PINX1: variants seen among roughly 807,000 people sequenced by gnomAD.
PINX1 encodes PIN2 (TERF1) interacting telomerase inhibitor 1.
A neutral mutation model predicts 25.4 loss-of-function variants in PINX1; 34 were observed. That is an observed-to-expected ratio of 1.34 (90% confidence interval 1.02 to 1.78). The LOEUF (loss-of-function observed/expected upper bound fraction) is 1.78. PINX1 is among the 40% of genes most tolerant of loss of function. PINX1 has a pLI of 0.00. For missense variants in PINX1, 592 were observed against 404.9 expected (o/e 1.46, Z -3.97); for synonymous variants, 197 against 147.7 (o/e 1.33, Z -2.42).
chr8:10,818,831 C>T (rs77192658), intron 6 of PINX1, among the ~76,000 whole-genome samples: 2 of 152,068 alleles, frequency 1.3e-5, no homozygotes, highest in East Asian at 1.9e-4. Flanking sequence ...CCTGAGGACA[C>T]GGAGACGACT....
chr8:10,765,053 GA>G lies in PINX1; in HGVS notation c.*347del, dbSNP rs1045407065. On this transcript the variant is annotated 3_prime_UTR_variant, in exon 7 of 7. Coordinates refer to ENST00000314787, the MANE Select transcript of PINX1 (RefSeq NM_017884.6). The stretch of plus-strand genomic sequence containing the variant: ...GGAACCGAGAGCAAACGGAGATAGT[GA>G]CACACACACACACACACAGATGCGC... 7 of 201,972 alleles carry G rather than the reference GA, an allele frequency of 3.5e-5. No individual in the cohort carries two copies. The highest frequency in any genetic ancestry group is 1.6e-4 in the African/African-American group (7 of 42,840). 12.5% of individuals were successfully genotyped at this position (201,972 alleles called of 1,614,324 possible). A position where few individuals can be genotyped will look rare whatever the true frequency, so the allele number is the denominator to read the frequency against.
chr8:10,834,638 G>A (rs371106831), intron 2 of PINX1, 28 bp downstream of exon 2: 28 of 1,609,564 alleles, frequency 1.7e-5, no homozygotes, highest in African/African-American at 1.3e-4. Flanking sequence ...TCATAGCTCA[G>A]ATTTTTTTCC....
chr8:10,802,410 C>G (rs1388502312), intron 6 of PINX1, among the ~76,000 whole-genome samples: 1 of 152,226 alleles, frequency 6.6e-6, no homozygotes, highest in Admixed American at 6.5e-5. Context: ...AGACAACCTG[C>G]ACTCTGGAGA....
intron 4 of PINX1, among the ~76,000 whole-genome samples, chr8:10,827,323 T>C (rs76332696): frequency 0.023 from 3,489 of 152,182 alleles, 156 homozygotes; most frequent in African/African-American, 0.079. Context: ...GAAGGACAAC[T>C]GGAAGGGCAA....
chr8:10,810,978 A>C (rs193085305), intron 6 of PINX1, among the ~76,000 whole-genome samples: 89 of 152,358 alleles, frequency 5.8e-4, no homozygotes, highest in Non-Finnish European at 9.4e-4. Context: ...TCTCAGTTCC[A>C]AAGGATGTTT....
intron 6 of PINX1, among the ~76,000 whole-genome samples, chr8:10,809,099 T>A (rs1260901788): frequency 6.6e-6 from 1 of 152,242 alleles, no homozygotes; most frequent in Non-Finnish European, 1.5e-5. Flanking sequence ...GTATGATGGT[T>A]TATTTCAGCT....
At chr8:10,809,887 A>C (rs1254065837) in intron 6 of PINX1, among the ~76,000 whole-genome samples, 1 of 152,230 alleles carries the variant, frequency 6.6e-6, no homozygotes, top group African/African-American at 2.4e-5. Flanking sequence ...GGTAATTTAT[A>C]AAGTAAAGAG....
At chr8:10,795,319 A>C (rs1250779704) in intron 6 of PINX1, among the ~76,000 whole-genome samples, 2 of 152,168 alleles carry the variant, frequency 1.3e-5, no homozygotes, top group East Asian at 3.8e-4. Flanking sequence ...TAGCTGCTCT[A>C]ATCAATGAAG....
intron 4 of PINX1, among the ~76,000 whole-genome samples, chr8:10,827,680 G>A (rs1288088081): frequency 4.0e-5 from 6 of 151,538 alleles, no homozygotes; most frequent in Non-Finnish European, 8.8e-5. Context: ...GCCGCAGCAG[G>A]CAGATCATGA....
rs115959305 is a variant in PINX1, at chr8:10,829,412, T to A, written c.301+2253A>T. Among the ~76,000 whole-genome samples, 1,029 of 152,148 alleles carry A rather than the reference T, an allele frequency of 6.8e-3. 11 individuals are homozygous for A. Among genetic ancestry groups the A allele is most frequent in the African/African-American group, 0.022 (909 of 41,498 alleles). On this transcript the variant is annotated intron_variant, in intron 4 of 6. Coordinates refer to ENST00000314787, the MANE Select transcript of PINX1 (RefSeq NM_017884.6). ...GGCTCTAGATTTGCCAGCCACACTA[T>A]CAGGAGGCTTACAGTGCTGAGTATC...
At position 10,779,903 on chromosome 8, in the gene PINX1, G is replaced by A. The variant is rs1187028666; in HGVS notation, c.472-13987C>T. ...TCACTTACCACAAAGAAAGGAATCA[G>A]GGAGAAAGGGACGACTCCAAGTGTG... On this transcript the variant is annotated intron_variant, in intron 6 of 6. Transcript: ENST00000314787. Among the ~76,000 whole-genome samples the A allele has an allele frequency of 2.0e-5, 3 of 152,262 alleles. No individual in the cohort carries two copies. The East Asian group carries it at 5.8e-4, about 29-fold the overall frequency.
chr8:10,809,366 C>G (rs946085358), intron 6 of PINX1, among the ~76,000 whole-genome samples: 2 of 152,240 alleles, frequency 1.3e-5, no homozygotes, highest in Admixed American at 6.5e-5. Context: ...AATAATTTAT[C>G]TGTTGATTTA....
intron 6 of PINX1, among the ~76,000 whole-genome samples, chr8:10,791,720 G>C (rs1801928517): frequency 6.6e-6 from 1 of 152,192 alleles, no homozygotes; most frequent in Admixed American, 6.5e-5. Flanking sequence ...TGGCCCCCTG[G>C]CTTTCTAGAG....
chr8:10,805,192 T>C (rs1665031991), intron 6 of PINX1, among the ~76,000 whole-genome samples: 1 of 152,202 alleles, frequency 6.6e-6, no homozygotes, highest in African/African-American at 2.4e-5. Context: ...TTACCTGACC[T>C]GCTGCGACCT....
intron 6 of PINX1, among the ~76,000 whole-genome samples, chr8:10,798,379 A>C (rs1228293066): frequency 6.6e-6 from 1 of 152,256 alleles, no homozygotes; most frequent in Non-Finnish European, 1.5e-5. Context: ...AATTGGAAAC[A>C]AATCAGAATG....
intron 2 of PINX1, 64 bp downstream of exon 2, chr8:10,834,602 G>T: frequency 6.4e-7 from 1 of 1,569,280 alleles, no homozygotes; most frequent in South Asian, 1.2e-5. Context: ...TAAGAAGGAA[G>T]TTTTCCCCTA....
chr8:10,790,542 C>T (rs1039574240), intron 6 of PINX1, among the ~76,000 whole-genome samples: 4 of 152,106 alleles, frequency 2.6e-5, no homozygotes, highest in Non-Finnish European at 5.9e-5. Flanking sequence ...TCCAAGCTGT[C>T]GGAGCCTCAA....
At chr8:10,834,073 G>A (rs1234245491) in intron 2 of PINX1, among the ~76,000 whole-genome samples, 8 of 152,266 alleles carry the variant, frequency 5.3e-5, no homozygotes, top group South Asian at 4.1e-4. Flanking sequence ...GGGAATGAAT[G>A]AGATCACTGC....
At chr8:10,778,314 A>G (rs1043586348) in intron 6 of PINX1, among the ~76,000 whole-genome samples, 19 of 152,276 alleles carry the variant, frequency 1.2e-4, no homozygotes, top group Middle Eastern at 3.4e-3. Context: ...TGGAATATCA[A>G]TATAAATATG....
Sources: gnomAD v4.1 joint callset for allele counts (sites outside exome capture counted in the v4.1 genomes callset) on GRCh38, gnomAD v4.1.1 for gene constraint, MANE v1.5 for transcripts, NCBI Gene and HGNC (gene_info 2026-07-23, HGNC 2026-07-21) for gene names.